SMARCE1: variants seen among roughly 807,000 people sequenced by gnomAD.
SMARCE1 encodes SWI/SNF related BAF chromatin remodeling complex subunit E1.
A neutral mutation model predicts 54.9 loss-of-function variants in SMARCE1; 13 were observed. The ratio of observed to expected loss-of-function variants is 0.24; its 90% CI spans 0.15 to 0.38. The LOEUF is 0.38. Among genes scored for constraint, SMARCE1 ranks in the 10% least tolerant of loss-of-function variants. SMARCE1 has a pLI of 1.00. For missense variants in SMARCE1, 295 were observed against 523.8 expected (o/e 0.56, Z 4.26); for synonymous variants, 151 against 175.3 (o/e 0.86, Z 1.10).
chr17:40,646,968 T>C (rs1053664049), intron 1 of SMARCE1, among the ~76,000 whole-genome samples: 5 of 150,742 alleles, frequency 3.3e-5, no homozygotes, highest in Admixed American at 3.3e-4. Context: ...TCCTTTCTGC[T>C]CACATTAAGG....
At chr17:40,632,424 T>A in intron 7 of SMARCE1, 57 bp from the exon 8 acceptor site, 1 of 1,434,190 alleles carries the variant, frequency 7.0e-7, no homozygotes, top group Non-Finnish European at 9.7e-7. Flanking sequence ...AAAAGGAGTG[T>A]AACAATGTTA....
chr17:40,630,389 G>C (rs2037080641), intron 10 of SMARCE1: 1 of 669,854 alleles, frequency 1.5e-6, no homozygotes. Context: ...GCCACAGACA[G>C]TATGTAAACA....
intron 9 of SMARCE1, 90 bp downstream of exon 9, chr17:40,631,502 C>A (rs2037095288): frequency 1.4e-6 from 1 of 695,304 alleles, no homozygotes; most frequent in Admixed American, 2.4e-5. Context: ...GAACAACATT[C>A]AATAAAAACA....
chr17:40,639,569 T>C (rs2144003394), intron 4 of SMARCE1, among the ~76,000 whole-genome samples: 1 of 152,270 alleles, frequency 6.6e-6, no homozygotes, highest in Non-Finnish European at 1.5e-5. Context: ...TTCCCCTCCT[T>C]TCTCCCAAAG....
At chr17:40,640,118 T>C (rs1223918852) in intron 4 of SMARCE1, 1 of 152,234 alleles carries the variant, frequency 6.6e-6, no homozygotes, top group Non-Finnish European at 1.5e-5. Flanking sequence ...TTTATCTTGG[T>C]TACTCAGTTT....
chr17:40,644,969 C>T (rs2037239648), intron 3 of SMARCE1: 1 of 152,176 alleles, frequency 6.6e-6, no homozygotes, highest in Admixed American at 6.5e-5. Context: ...CCAAGCTGGG[C>T]CAGAGCTTCC....
Position 40,630,797 on chromosome 17 carries a change from T to C in SMARCE1, c.944A>G (p.Gln315Arg), listed in dbSNP as rs1444576393. 5.0e-6 allele frequency: 8 copies of C among 1,614,182 alleles called. No individual in the cohort carries two copies. The highest frequency in any genetic ancestry group is 1.3e-5 in the African/African-American group (1 of 75,042). ...KEAAEQAERS[Q>R]SSIVPEEEQA... ...TTCTTCCTCAGGAACGATGCTGCTC[T>C]GACTGCGCTCAGCTTGCTCTGCGGC... The change falls in exon 10 of 11, where the codon CAG (glutamine) becomes CGG (arginine). Residue 315 changes from glutamine to arginine, a missense_variant. Physicochemically the swap from Gln to Arg is conservative, Grantham distance 43. Coordinates refer to ENST00000348513, the MANE Select transcript of SMARCE1 (RefSeq NM_003079.5).
intron 10 of SMARCE1, chr17:40,629,689 T>C: frequency 2.5e-6 from 1 of 407,734 alleles, no homozygotes; most frequent in Non-Finnish European, 4.2e-6. Flanking sequence ...GCATAAGACA[T>C]GCCCCATTCA....
chr17:40,646,826 A>C (rs1468913950), intron 1 of SMARCE1, among the ~76,000 whole-genome samples: 1 of 152,216 alleles, frequency 6.6e-6, no homozygotes, highest in African/African-American at 2.4e-5. Context: ...TCTATTATTA[A>C]TTTTAAGGAA....
At chr17:40,643,858 G>A (rs767189992) in intron 3 of SMARCE1, 7 of 152,204 alleles carry the variant, frequency 4.6e-5, no homozygotes, top group African/African-American at 9.7e-5. Flanking sequence ...TAGAAAAGAC[G>A]CAAATAAAGC....
chr17:40,630,783 G>A lies in SMARCE1; in HGVS notation c.958C>T (p.Pro320Ser), dbSNP rs1176390337. 1.2e-6 allele frequency: 2 copies of A among 1,613,948 alleles called. No homozygotes were observed. The highest frequency in any genetic ancestry group is 1.3e-5 in the African/African-American group (1 of 74,962). The change falls in exon 10 of 11, where the codon CCT (proline) becomes TCT (serine). Residue 320 changes from proline (P) to serine (S), a missense_variant. Physicochemically the swap from Pro to Ser is moderately conservative, Grantham distance 74. This residue lies in a region of SMARCE1 where 147 missense variants were observed against 161.4 expected (regional missense o/e 0.91). Coordinates refer to ENST00000348513, the MANE Select transcript of SMARCE1 (RefSeq NM_003079.5). ...TTGTTAGCTGCTTGTTCTTCCTCAG[G>A]AACGATGCTGCTCTGACTGCGCTCA... ...QAERSQSSIVPEEEQAANKGE... is the reference protein window; with the variant it reads ...QAERSQSSIVSEEEQAANKGE...
intron 10 of SMARCE1, 50 bp downstream of exon 10, chr17:40,630,664 A>G: frequency 6.8e-7 from 1 of 1,463,074 alleles, no homozygotes; most frequent in Non-Finnish European, 9.6e-7. Context: ...AATTAAAGAC[A>G]GCCGTACAAA....
chr17:40,642,648 T>G lies in SMARCE1; in HGVS notation c.52-89A>C, dbSNP rs536023689. On this transcript the variant is annotated intron_variant, in intron 3 of 10. Coordinates refer to ENST00000348513, the MANE Select transcript of SMARCE1 (RefSeq NM_003079.5). The surrounding 1 kb of genome is among the most constrained non-coding windows in gnomAD (Gnocchi z 4.6). ...AATGAAAAATGATCTGCATATGGCA[T>G]GCAAAAGCAACCTGAATTTAAACAA... 1.3e-6 allele frequency: 1 copy of G among 749,226 alleles called. No individual in the cohort carries two copies. Among genetic ancestry groups the G allele is most frequent in the African/African-American group, 1.8e-5 (1 of 56,772 alleles). 46.4% of individuals were successfully genotyped at this position (749,226 alleles called of 1,614,324 possible). A position where few individuals can be genotyped will look rare whatever the true frequency, so the allele number is the denominator to read the frequency against.
At chr17:40,631,263 TA>T in intron 9 of SMARCE1, 1 of 333,408 alleles carries the variant, frequency 3.0e-6, no homozygotes, top group Non-Finnish European at 5.4e-6. Flanking sequence ...GTGCAAATTA[TA>T]AATTACATTT....
In SMARCE1 at chr17:40,627,821, A is replaced by C. The variant is rs1370069555; in HGVS notation, c.*964T>G. On this transcript the variant is annotated 3_prime_UTR_variant, in exon 11 of 11. Transcript: ENST00000348513. ...AGTTTTTGGGAAGCTTATGTGTCAC[A>C]AACTATCTTGCTTCTAGTCTCCAAG... 1 of 152,644 alleles carries C rather than the reference A, an allele frequency of 6.6e-6. No homozygotes were observed. Among genetic ancestry groups the C allele is most frequent in the South Asian group, 2.1e-4 (1 of 4,832 alleles). The allele number at this position is 152,644 out of a possible 1,614,324, so 9.5% of individuals were successfully genotyped here.
At chr17:40,636,291 C>A in intron 6 of SMARCE1, 104 bp downstream of exon 6, 1 of 1,286,514 alleles carries the variant, frequency 7.8e-7, no homozygotes. Context: ...AGCCTCAGTA[C>A]TGCATCAGTG....
chr17:40,643,371 T>C (rs1197003228), intron 3 of SMARCE1: 1 of 152,224 alleles, frequency 6.6e-6, no homozygotes, highest in Non-Finnish European at 1.5e-5. Context: ...GACTTCTTTT[T>C]TCATCTAGTT....
rs749090821 is a variant in SMARCE1, at chr17:40,631,643, C to T, written c.765G>A (p.Lys255=). The change falls in exon 9 of 11, where the codon AAG becomes AAA. Residue 255 remains lysine, a synonymous_variant. Coordinates refer to ENST00000348513, the MANE Select transcript of SMARCE1 (RefSeq NM_003079.5). ...LLQIEERHQE[K]KRKFLESTDS... is the part of the protein sequence containing the mutation. ...CTGTGCTTTCCAGGAATTTCCTCTTCTTCTCCTGGTGTCGTTCCTCTATTT... is the reference window on the plus strand; with the variant it reads ...CTGTGCTTTCCAGGAATTTCCTCTTTTTCTCCTGGTGTCGTTCCTCTATTT... 2 of 1,611,636 alleles carry T rather than the reference C, an allele frequency of 1.2e-6. No individual in the cohort carries two copies. The highest frequency in any genetic ancestry group is 1.7e-6 in the Non-Finnish European group (2 of 1,178,072).
intron 10 of SMARCE1, chr17:40,630,282 T>G (rs2037079107): frequency 6.8e-7 from 1 of 1,473,168 alleles, no homozygotes; most frequent in African/African-American, 1.4e-5. Context: ...GCTGGCAATT[T>G]TTTTCTGTAA....
Sources: allele counts gnomAD v4.1 joint callset (sites outside exome capture counted in the v4.1 genomes callset), GRCh38; gene constraint gnomAD v4.1.1; regional missense constraint gnomAD v4.1.1; non-coding constraint Gnocchi (gnomAD v3.1); transcripts MANE v1.5; gene names NCBI Gene and HGNC (gene_info 2026-07-23, HGNC 2026-07-21).